Variants in B3GALT1 observed in about 807,000 individuals in gnomAD.
B3GALT1 encodes UDP-Gal:betaGlcNAc beta 1,3-galactosyltransferase, polypeptide 1.
In B3GALT1, 10 loss-of-function variants were observed where a neutral mutation model predicts 23.2. That is an observed-to-expected ratio of 0.43 (90% CI 0.27 to 0.73). The LOEUF (loss-of-function observed/expected upper bound fraction) is 0.73. B3GALT1 is among the 30% of genes least tolerant of loss of function. The pLI is 0.21. For synonymous variants in B3GALT1, 156 were observed against 141.5 expected (o/e 1.10, Z -0.73); for missense variants, 299 against 405.4 (o/e 0.74, Z 2.25).
Position 167,675,072 on chromosome 2 carries a change from C to T in B3GALT1, c.-352+28106C>T, listed in dbSNP as rs78554153. Among the ~76,000 whole-genome samples, 197 of 152,268 alleles carry T rather than the reference C, an allele frequency of 1.3e-3. 3 individuals are homozygous for T. In the East Asian group the frequency reaches 0.034, roughly 27 times the overall value. ...CTGTGGTCTGGACTTCCCAGATGAGCCCCTGTGCACCTTGGTGGCTGAGCT... is the reference window on the plus strand; with the variant it reads ...CTGTGGTCTGGACTTCCCAGATGAGTCCCTGTGCACCTTGGTGGCTGAGCT... On this transcript the variant is annotated intron_variant, in intron 3 of 4. Coordinates refer to ENST00000392690, the MANE Select transcript of B3GALT1 (RefSeq NM_020981.4).
chr2:167,777,178 A>T (rs1031851603), intron 3 of B3GALT1, among the ~76,000 whole-genome samples: 15 of 152,338 alleles, frequency 9.8e-5, no homozygotes, highest in African/African-American at 3.1e-4. Context: ...TGGGAAAAAT[A>T]GAGTTTATAA....
intron 1 of B3GALT1, among the ~76,000 whole-genome samples, chr2:167,340,322 A>C (rs2105247144): frequency 6.6e-6 from 1 of 151,500 alleles, no homozygotes; most frequent in Non-Finnish European, 1.5e-5. Flanking sequence ...AGAAAAAAAA[A>C]AAAAAAAAAA....
chr2:167,857,008 A>G (rs1009560617), intron 4 of B3GALT1, among the ~76,000 whole-genome samples: 3 of 152,282 alleles, frequency 2.0e-5, no homozygotes, highest in Admixed American at 6.5e-5. Flanking sequence ...GTGAGGATTA[A>G]TGTGATTTTG....
intron 3 of B3GALT1, among the ~76,000 whole-genome samples, chr2:167,692,716 A>G (rs1051702573): frequency 3.3e-5 from 5 of 152,116 alleles, no homozygotes; most frequent in African/African-American, 1.2e-4. Context: ...AGAACTTTTC[A>G]AGAGTTTTAA....
At chr2:167,796,757 T>A (rs1443056420) in intron 3 of B3GALT1, among the ~76,000 whole-genome samples, 1 of 151,982 alleles carries the variant, frequency 6.6e-6, no homozygotes, top group Non-Finnish European at 1.5e-5. Context: ...CCTCAAAAAA[T>A]AATAATAATA....
At chr2:167,735,856 G>A (rs1399802446) in intron 3 of B3GALT1, among the ~76,000 whole-genome samples, 1 of 152,184 alleles carries the variant, frequency 6.6e-6, no homozygotes, top group Non-Finnish European at 1.5e-5. Flanking sequence ...CACCTAGTAA[G>A]TGGTAGAGTT....
intron 2 of B3GALT1, among the ~76,000 whole-genome samples, chr2:167,516,331 C>T (rs750368266): frequency 1.5e-4 from 23 of 152,198 alleles, no homozygotes; most frequent in African/African-American, 4.1e-4. Flanking sequence ...TCTGCCTAAG[C>T]GAGTTCTCTA....
rs532542571 is a variant in B3GALT1 at position 167,749,412 on chromosome 2, C to G, written c.-351-69260C>G. Reference sequence around the variant, plus strand: ...CACCTCTCAATATAGACCCATGTACCTTACCCCATGTTCCAACTGACTTCC... The same window carrying G: ...CACCTCTCAATATAGACCCATGTACGTTACCCCATGTTCCAACTGACTTCC... On this transcript the variant is annotated intron_variant, in intron 3 of 4. Coordinates refer to ENST00000392690, the MANE Select transcript of B3GALT1 (RefSeq NM_020981.4). 2.0e-5 allele frequency among the ~76,000 whole-genome samples: 3 copies of G among 152,276 alleles called. No homozygotes were observed. The South Asian group carries it at 6.2e-4, about 32-fold the overall frequency.
chr2:167,854,600 G>C (rs965225782), intron 4 of B3GALT1, among the ~76,000 whole-genome samples: 1 of 152,156 alleles, frequency 6.6e-6, no homozygotes, highest in Non-Finnish European at 1.5e-5. Flanking sequence ...GCCATCTCAT[G>C]CTGCTCACTT....
chr2:167,427,150 A>G (rs1398234243), intron 1 of B3GALT1, among the ~76,000 whole-genome samples: 1 of 152,212 alleles, frequency 6.6e-6, no homozygotes, highest in Non-Finnish European at 1.5e-5. Flanking sequence ...AAACTAAACT[A>G]TTGTTTAGGT....
At chr2:167,817,618 G>A (rs1574278957) in intron 3 of B3GALT1, among the ~76,000 whole-genome samples, 1 of 152,160 alleles carries the variant, frequency 6.6e-6, no homozygotes, top group Non-Finnish European at 1.5e-5. Context: ...GAATCCACTT[G>A]TGCCTCTGTC....
chr2:167,858,863 T>C (rs1264663459), intron 4 of B3GALT1, among the ~76,000 whole-genome samples: 1 of 152,198 alleles, frequency 6.6e-6, no homozygotes, highest in Non-Finnish European at 1.5e-5. Flanking sequence ...TATCATTCTT[T>C]GAAATATGAT....
intron 3 of B3GALT1, among the ~76,000 whole-genome samples, chr2:167,748,159 G>A (rs896895760): frequency 6.6e-6 from 1 of 152,020 alleles, no homozygotes; most frequent in Non-Finnish European, 1.5e-5. Flanking sequence ...GAGCTCTCTG[G>A]AAAGCACAGA....
chr2:167,804,656 C>T (rs190732239), intron 3 of B3GALT1, among the ~76,000 whole-genome samples: 5,491 of 152,220 alleles, frequency 0.036, 364 homozygotes, highest in African/African-American at 0.13. Flanking sequence ...AGGACATGAA[C>T]TCATCATTTT....
chr2:167,865,316 G>A (rs987686189), intron 4 of B3GALT1, among the ~76,000 whole-genome samples: 1 of 152,180 alleles, frequency 6.6e-6, no homozygotes, highest in Admixed American at 6.6e-5. Context: ...AGCTGAGGCA[G>A]GAGAATCGCT....
chr2:167,665,867 G>A (rs1369854087), intron 3 of B3GALT1, among the ~76,000 whole-genome samples: 2 of 145,354 alleles, frequency 1.4e-5, no homozygotes, highest in African/African-American at 5.5e-5. Flanking sequence ...TTCTTTATTG[G>A]TCTTGCTAGT....
chr2:167,316,477 C>T (rs1285056366), intron 1 of B3GALT1, among the ~76,000 whole-genome samples: 3 of 152,054 alleles, frequency 2.0e-5, no homozygotes, highest in Admixed American at 6.6e-5. Context: ...AAAAATTTTC[C>T]ACACATAACC....
intron 2 of B3GALT1, among the ~76,000 whole-genome samples, chr2:167,547,660 C>T (rs1278952376): frequency 1.4e-5 from 2 of 146,298 alleles, no homozygotes; most frequent in African/African-American, 5.3e-5. Flanking sequence ...ATGCACTGTA[C>T]TCCGGCCTGG....
At chr2:167,696,374 T>C (rs1440455553) in intron 3 of B3GALT1, among the ~76,000 whole-genome samples, 1 of 151,758 alleles carries the variant, frequency 6.6e-6, no homozygotes, top group African/African-American at 2.4e-5. Flanking sequence ...CCTAGCACTG[T>C]ATCTGACATG....
Sources: allele counts gnomAD v4.1 joint callset (sites outside exome capture counted in the v4.1 genomes callset), GRCh38; gene constraint gnomAD v4.1.1; transcripts MANE v1.5; gene names NCBI Gene and HGNC (gene_info 2026-07-23, HGNC 2026-07-21).